The following RB1 variants were observed in gnomAD, a reference collection of about 807,000 sequenced individuals.
RB1 encodes the protein retinoblastoma-associated protein.
In RB1, 18 loss-of-function variants were observed where a neutral mutation model predicts 135.4. The observed-to-expected ratio is 0.13, with a 90% CI of 0.09 to 0.20. RB1 has a LOEUF of 0.20. Ranked by LOEUF, RB1 falls within the 10% of genes least tolerant of loss-of-function variation. The pLI, the probability that RB1 is intolerant of heterozygous loss-of-function variation, is 1.00. For missense variants in RB1, 868 were observed against 1,110.0 expected, an observed-to-expected ratio of 0.78 and a Z score of 3.10; for synonymous variants, 365 against 373.2, an observed-to-expected ratio of 0.98 and a Z score of 0.25.
intron 17 of RB1, among the ~76,000 whole-genome samples, chr13:48,402,775 G>A (rs1345403852): frequency 6.6e-6 from 1 of 151,944 alleles, no homozygotes; most frequent in Non-Finnish European, 1.5e-5. Flanking sequence ...TGAATCATGT[G>A]TGTTTCAGTC....
intron 2 of RB1, chr13:48,317,574 G>T: frequency 2.3e-6 from 1 of 433,434 alleles, no homozygotes; most frequent in South Asian, 2.2e-5. Context: ...AAGCACTTCT[G>T]GCAGCATGCT....
At chr13:48,361,086 A>T (rs546008344) in intron 7 of RB1, among the ~76,000 whole-genome samples, 2 of 152,092 alleles carry the variant, frequency 1.3e-5, no homozygotes, top group East Asian at 1.9e-4. Context: ...AGAAAGAAAT[A>T]AAAAAAATTC....
chr13:48,333,372 T>C (rs1952353612), intron 2 of RB1, among the ~76,000 whole-genome samples: 1 of 152,162 alleles, frequency 6.6e-6, no homozygotes, highest in Admixed American at 6.5e-5. Context: ...TAGATATCAG[T>C]TTTGTAGCTA....
chr13:48,317,631 G>A, intron 2 of RB1: 1 of 496,054 alleles, frequency 2.0e-6, no homozygotes, highest in Non-Finnish European at 3.2e-6. Flanking sequence ...CATTTCTCCT[G>A]CTCGCTGAGA....
intron 24 of RB1, among the ~76,000 whole-genome samples, chr13:48,476,176 C>A (rs192168049): frequency 6.6e-6 from 1 of 152,076 alleles, no homozygotes; most frequent in Non-Finnish European, 1.5e-5. Flanking sequence ...TGAATCTATC[C>A]GTCAAATCAG....
At chr13:48,476,456 T>C in intron 24 of RB1, 2 of 450,300 alleles carry the variant, frequency 4.4e-6, no homozygotes, top group East Asian at 4.1e-5. Flanking sequence ...GGAGGAAGAA[T>C]GTGAGCTGCA....
At chr13:48,310,422 TC>T (rs1311740050) in intron 2 of RB1, among the ~76,000 whole-genome samples, 1 of 152,162 alleles carries the variant, frequency 6.6e-6, no homozygotes, top group Non-Finnish European at 1.5e-5. Context: ...ATATACCATG[TC>T]CGAACTCCAT....
intron 7 of RB1, 139 bp downstream of exon 7, chr13:48,360,266 T>C (rs1952627473): frequency 6.7e-7 from 1 of 1,486,418 alleles, no homozygotes; most frequent in Non-Finnish European, 8.9e-7. Context: ...ATAAGTAGTG[T>C]AAGTTATAGA....
chr13:48,345,450 T>C lies in RB1; in HGVS notation c.500+251T>C, dbSNP rs4151458. ...CCATTTGTTTTCAAAAACTTTAAGC[T>C]TATCTCCCATTTTAGCCTTCTTTGC... On this transcript the variant is annotated intron_variant, in intron 4 of 26. Transcript: ENST00000267163. Among the ~76,000 whole-genome samples the C allele has an allele frequency of 0.011, 1,645 of 152,316 alleles. 11 individuals are homozygous for C. The highest frequency in any genetic ancestry group is 0.017 in the Middle Eastern group (5 of 294).
chr13:48,367,115 T>C (rs2138120145), intron 9 of RB1, among the ~76,000 whole-genome samples: 1 of 46,766 alleles, frequency 2.1e-5, no homozygotes, highest in South Asian at 1.3e-3. Flanking sequence ...CGAAACTCCA[T>C]CTCAAAAAAA....
chr13:48,454,231 T>G (rs971276534), intron 18 of RB1, among the ~76,000 whole-genome samples: 2 of 152,212 alleles, frequency 1.3e-5, no homozygotes, highest in African/African-American at 4.8e-5. Flanking sequence ...TTAATCACTC[T>G]AACTACATTG....
intron 6 of RB1, among the ~76,000 whole-genome samples, chr13:48,358,838 G>A (rs1479917777): frequency 6.6e-6 from 1 of 152,078 alleles, no homozygotes; most frequent in Non-Finnish European, 1.5e-5. Flanking sequence ...GCAAAAGAAT[G>A]TACTTGAGAG....
In RB1 at chr13:48,364,933, A is replaced by T. The variant is rs2138116483; in HGVS notation, c.901A>T (p.Asn301Tyr). 1 of 1,570,016 alleles carries T rather than the reference A, an allele frequency of 6.4e-7. No homozygotes were observed. The highest frequency in any genetic ancestry group is 8.7e-7 in the Non-Finnish European group (1 of 1,153,424). Residue 301 changes from asparagine to tyrosine, a missense_variant, in exon 9 of 27, where the codon AAT becomes TAT. Physicochemically the swap from Asn to Tyr is moderately radical, Grantham distance 143. Around this residue, in one of 3 missense-constraint regions of RB1, gnomAD observed 641 missense variants for 791.3 expected, o/e 0.81. Transcript: ENST00000267163. ...TTTCAAAAATTTTATACCTTTTATG[A>T]ATTCTCTTGGACTTGTAACATCTAA... Reference protein sequence around the residue: ...VYFKNFIPFMNSLGLVTSNGL... With the variant: ...VYFKNFIPFMYSLGLVTSNGL...
intron 17 of RB1, among the ~76,000 whole-genome samples, chr13:48,425,805 A>G (rs992546745): frequency 5.3e-5 from 8 of 152,208 alleles, no homozygotes; most frequent in African/African-American, 1.9e-4. Flanking sequence ...TTAGCTTTCT[A>G]TCTAATTCAG....
intron 6 of RB1, among the ~76,000 whole-genome samples, chr13:48,358,987 C>A (rs1056630283): frequency 6.6e-6 from 1 of 152,018 alleles, no homozygotes; most frequent in Non-Finnish European, 1.5e-5. Context: ...TCTAGAAAAC[C>A]TATAAAGATG....
At position 48,333,180 on chromosome 13, in the gene RB1, T is replaced by G; in HGVS notation, c.265-9419T>G. ...AAATATAAACTTTTTCGTTTGTCAA[T>G]TGTACCTCCATAAAGCTGGAAAAAA... On this transcript the variant is annotated intron_variant, in intron 2 of 26. Transcript: ENST00000267163. The G allele has an allele frequency of 7.6e-6, 3 of 395,898 alleles. No individual in the cohort carries two copies. In the East Asian group the frequency reaches 1.1e-4, roughly 14 times the overall value. 24.5% of individuals were successfully genotyped at this position (395,898 alleles called of 1,614,324 possible).
At chr13:48,361,837 A>G (rs1371369226) in intron 7 of RB1, among the ~76,000 whole-genome samples, 1 of 151,624 alleles carries the variant, frequency 6.6e-6, no homozygotes, top group Non-Finnish European at 1.5e-5. Context: ...TTTGCTGATC[A>G]TATTCTGTGG....
chr13:48,423,647 T>C (rs551148371), intron 17 of RB1, among the ~76,000 whole-genome samples: 1 of 152,192 alleles, frequency 6.6e-6, no homozygotes, highest in South Asian at 2.1e-4. Flanking sequence ...ATAATTGAAA[T>C]TGTACATAAC....
chr13:48,340,706 T>C (rs1189919221), intron 2 of RB1: 2 of 172,992 alleles, frequency 1.2e-5, no homozygotes, highest in Non-Finnish European at 2.5e-5. Context: ...ACTATGGTAG[T>C]TGGGGTTATT....
Sources: gnomAD v4.1 joint callset for allele counts (sites outside exome capture counted in the v4.1 genomes callset) on GRCh38, gnomAD v4.1.1 for gene constraint, gnomAD v4.1.1 regional missense constraint, MANE v1.5 for transcripts, NCBI Gene and HGNC (gene_info 2026-07-23, HGNC 2026-07-21) for gene names.